FRMD3: variants seen among roughly 807,000 people sequenced by gnomAD.
FRMD3 encodes the protein FERM domain containing 3.
Under a neutral mutation model 70.2 loss-of-function variants are expected in FRMD3, and 33 were observed. The ratio of observed to expected loss-of-function variants is 0.47; its 90% CI spans 0.36 to 0.63. The LOEUF is 0.63. Among genes scored for constraint, FRMD3 ranks in the 20% least tolerant of loss-of-function variants. The pLI is 0.00. For missense variants in FRMD3, 632 were observed against 711.4 expected, an observed-to-expected ratio of 0.89 and a Z score of 1.27; for synonymous variants, 279 against 255.9, an observed-to-expected ratio of 1.09 and a Z score of -0.86.
chr9:83,569,227 C>G, the FRMD3 span, among the ~76,000 whole-genome samples: 1 of 152,202 alleles, frequency 6.6e-6, no homozygotes, highest in Non-Finnish European at 1.5e-5. Flanking sequence ...GTACGATACT[C>G]TGCTAAAGAA....
At chr9:83,351,752 T>G (rs1300724699) in intron 3 of FRMD3, among the ~76,000 whole-genome samples, 9 of 150,354 alleles carry the variant, frequency 6.0e-5, no homozygotes, top group African/African-American at 2.2e-4. Context: ...CCTGCTTCAT[T>G]ATTCACTTTG....
At chr9:83,353,662 G>T (rs1824238271) in intron 3 of FRMD3, among the ~76,000 whole-genome samples, 1 of 152,198 alleles carries the variant, frequency 6.6e-6, no homozygotes, top group African/African-American at 2.4e-5. Flanking sequence ...TCAAAATACA[G>T]ATCTAGAAAA....
Position 83,336,656 on chromosome 9 carries a change from T to A in FRMD3, c.473-1017A>T, listed in dbSNP as rs182625287. 1.7e-3 allele frequency among the ~76,000 whole-genome samples: 247 copies of A among 147,958 alleles called. 2 individuals carry two copies. Among genetic ancestry groups the A allele is most frequent in the East Asian group, 1.4e-3 (7 of 5,056 alleles). On this transcript the variant is annotated intron_variant, in intron 5 of 13. Transcript: ENST00000304195. ...GTTGTTGCTGGAGTCTAATGAGAAA[T>A]AAAAATAAAATCCTAAGCCCCCCAA...
At chr9:83,437,194 T>C (rs922228110) in intron 1 of FRMD3, among the ~76,000 whole-genome samples, 2 of 152,232 alleles carry the variant, frequency 1.3e-5, no homozygotes, top group Non-Finnish European at 2.9e-5. Flanking sequence ...AGGTCTAGAC[T>C]GTAAAATTAG....
rs1827166261 is a variant in FRMD3 at position 83,437,378 on chromosome 9, G to T, written c.148-47670C>A. Among the ~76,000 whole-genome samples the T allele has an allele frequency of 2.0e-5, 3 of 152,112 alleles. No homozygotes were observed. In the South Asian group the frequency reaches 6.2e-4, roughly 31 times the overall value. On this transcript the variant is annotated intron_variant, in intron 1 of 13. Coordinates refer to ENST00000304195, the MANE Select transcript of FRMD3 (RefSeq NM_174938.6). Reference sequence around the variant, plus strand: ...GACTATATAGACTTACCATAAACCAGCTTTGCCATCCTGCTAGTTCCCTCA... The same window carrying T: ...GACTATATAGACTTACCATAAACCATCTTTGCCATCCTGCTAGTTCCCTCA...
chr9:83,364,818 C>T (rs184686859), intron 3 of FRMD3, among the ~76,000 whole-genome samples: 6 of 152,176 alleles, frequency 3.9e-5, no homozygotes, highest in East Asian at 1.9e-4. Flanking sequence ...TTTTCCCATC[C>T]GCCAACAAGT....
intron 6 of FRMD3, among the ~76,000 whole-genome samples, chr9:83,321,953 G>A (rs1259976861): frequency 6.6e-6 from 1 of 152,124 alleles, no homozygotes; most frequent in African/African-American, 2.4e-5. Context: ...AGAGCAGTGG[G>A]TATTGTCCTG....
At chr9:83,406,026 T>C (rs886066187) in intron 1 of FRMD3, among the ~76,000 whole-genome samples, 1 of 152,150 alleles carries the variant, frequency 6.6e-6, no homozygotes, top group African/African-American at 2.4e-5. Flanking sequence ...CCATTCTCCC[T>C]TCCTACTGCC....
At chr9:83,435,886 T>C (rs1482907136) in intron 1 of FRMD3, among the ~76,000 whole-genome samples, 1 of 152,126 alleles carries the variant, frequency 6.6e-6, no homozygotes, top group Non-Finnish European at 1.5e-5. Flanking sequence ...TTTAACATGG[T>C]CCTAAGACCA....
intron 1 of FRMD3, among the ~76,000 whole-genome samples, chr9:83,415,340 T>C (rs1439085292): frequency 6.6e-6 from 1 of 152,102 alleles, no homozygotes; most frequent in Non-Finnish European, 1.5e-5. Context: ...TGGAACACCA[T>C]TGCAAGCTGC....
intron 1 of FRMD3, among the ~76,000 whole-genome samples, chr9:83,449,973 CT>C (rs898549071): frequency 1.9e-4 from 29 of 152,084 alleles, no homozygotes; most frequent in Non-Finnish European, 3.4e-4. Context: ...GCCTCAATAA[CT>C]TTTTTTTTAA....
upstream of FRMD3, among the ~76,000 whole-genome samples, chr9:83,540,529 T>A (rs1829988535): frequency 6.6e-6 from 1 of 152,196 alleles, no homozygotes. Flanking sequence ...ATTCAACTAG[T>A]ATGAAAATAC....
intron 12 of FRMD3, among the ~76,000 whole-genome samples, chr9:83,294,767 C>T (rs960840669): frequency 2.6e-5 from 4 of 152,194 alleles, no homozygotes; most frequent in East Asian, 1.9e-4. Context: ...TGCTATGCTG[C>T]ACACTGCCTT....
At chr9:83,442,498 T>C (rs1322120601) in intron 1 of FRMD3, among the ~76,000 whole-genome samples, 1 of 152,022 alleles carries the variant, frequency 6.6e-6, no homozygotes, top group Non-Finnish European at 1.5e-5. Flanking sequence ...CCTCAAGTGA[T>C]CCACCCACCT....
intron 1 of FRMD3, among the ~76,000 whole-genome samples, chr9:83,490,314 G>C (rs1336999243): frequency 2.6e-5 from 4 of 151,304 alleles, no homozygotes; most frequent in Non-Finnish European, 1.5e-5. Context: ...TTTGGGGACA[G>C]AGTCTTGCTT....
rs1564121547 is a variant in FRMD3 at position 83,537,991 on chromosome 9, G to A, written c.147+94C>T. 3 of 1,410,926 alleles carry A rather than the reference G, an allele frequency of 2.1e-6. No homozygotes were observed. The highest frequency in any genetic ancestry group is 2.9e-6 in the Non-Finnish European group (3 of 1,025,668). The allele number at this position is 1,410,926 out of a possible 1,614,324, so 87.4% of individuals were successfully genotyped here. ...TTCTAGCAGTCCCCCAATCCCCTCCGGGAGTGGGTTCCTTGTTCTCGCATG... is the reference window on the plus strand; with the variant it reads ...TTCTAGCAGTCCCCCAATCCCCTCCAGGAGTGGGTTCCTTGTTCTCGCATG... On this transcript the variant is annotated intron_variant, in intron 1 of 13. Coordinates refer to ENST00000304195, the MANE Select transcript of FRMD3 (RefSeq NM_174938.6). The surrounding 1 kb of genome is among the most constrained non-coding windows in gnomAD (Gnocchi z 4.1).
chr9:83,267,302 TGGGAGGGGAGGA>T (rs1833313679), intron 13 of FRMD3: 2 of 1,448,718 alleles, frequency 1.4e-6, no homozygotes, highest in Non-Finnish European at 9.1e-7. Context: ...GGATCAGCAT[TGGGAGGGGAGGA>T]GGGAGGGGAC....
At chr9:83,384,429 A>T (rs1825452565) in intron 2 of FRMD3, among the ~76,000 whole-genome samples, 1 of 152,054 alleles carries the variant, frequency 6.6e-6, no homozygotes, top group South Asian at 2.1e-4. Flanking sequence ...ACCTCCAATC[A>T]CTGGGCCAGC....
At chr9:83,407,842 T>C (rs893579060) in intron 1 of FRMD3, among the ~76,000 whole-genome samples, 2 of 87,288 alleles carry the variant, frequency 2.3e-5, no homozygotes, top group Non-Finnish European at 4.4e-5. Flanking sequence ...GTTGAGTCTC[T>C]CTCTCTCTCT....
Sources: allele counts gnomAD v4.1 joint callset (sites outside exome capture counted in the v4.1 genomes callset), GRCh38; gene constraint gnomAD v4.1.1; non-coding constraint Gnocchi (gnomAD v3.1); transcripts MANE v1.5; gene names NCBI Gene and HGNC (gene_info 2026-07-23, HGNC 2026-07-21).